Variants in ENKUR observed in about 807,000 individuals in gnomAD.
ENKUR encodes enkurin.
A neutral mutation model predicts 27.6 loss-of-function variants in ENKUR; 19 were observed. The ratio of observed to expected loss-of-function variants is 0.69; its 90% confidence interval spans 0.48 to 1.01. The LOEUF (loss-of-function observed/expected upper bound fraction) is 1.01. ENKUR is among the 50% of genes least tolerant of loss of function. ENKUR has a pLI of 0.00. For missense variants in ENKUR, 312 were observed against 310.5 expected (o/e 1.00, Z -0.04); for synonymous variants, 117 against 96.9 (o/e 1.21, Z -1.22).
chr10:25,047,687 T>C (rs1004247578), intron 2 of ENKUR, among the ~76,000 whole-genome samples: 3 of 152,168 alleles, frequency 2.0e-5, no homozygotes, highest in African/African-American at 4.8e-5. Flanking sequence ...TGAGCTTGAG[T>C]TTGGCTTTTC....
chr10:24,982,903 T>C lies in ENKUR; in HGVS notation c.*1467A>G, dbSNP rs1332061699. On this transcript the variant is annotated 3_prime_UTR_variant, in exon 6 of 6. Transcript: ENST00000331161. ...AAACCACAAAGTTTTCATTTTAACA[T>C]TTAAGGCAACTCCCACTCATGACTT... is the stretch of plus-strand genomic sequence containing the variant. 1.3e-5 allele frequency: 2 copies of C among 152,226 alleles called. No individual in the cohort carries two copies. Among genetic ancestry groups the C allele is most frequent in the Non-Finnish European group, 2.9e-5 (2 of 68,034 alleles). 9.4% of individuals were successfully genotyped at this position (152,226 alleles called of 1,614,324 possible).
chr10:24,989,315 T>C (rs181528153), intron 4 of ENKUR, among the ~76,000 whole-genome samples: 1 of 152,312 alleles, frequency 6.6e-6, no homozygotes, highest in East Asian at 1.9e-4. Context: ...TTTCTGAACA[T>C]CTGCGTTTTC....
chr10:24,995,099 G>C (rs889868270), intron 3 of ENKUR, among the ~76,000 whole-genome samples: 3 of 152,008 alleles, frequency 2.0e-5, no homozygotes, highest in Non-Finnish European at 2.9e-5. Context: ...GGACCCAAAA[G>C]GACTAGATTA....
chr10:24,984,381 A>G lies in ENKUR; in HGVS notation c.765-5T>C. 1.3e-6 allele frequency: 2 copies of G among 1,548,836 alleles called. No individual in the cohort carries two copies. Among genetic ancestry groups the G allele is most frequent in the South Asian group, 2.3e-5 (2 of 85,526 alleles). Reference sequence around the variant, plus strand: ...TTGTGCTGTTGGTATCATGCGCTGCAGAAAAAAAAAAAAAAAAGTGAAGTT... The same window carrying G: ...TTGTGCTGTTGGTATCATGCGCTGCGGAAAAAAAAAAAAAAAAGTGAAGTT... On this transcript the variant is annotated splice_polypyrimidine_tract_variant and splice_region_variant and intron_variant, in intron 5 of 5. Coordinates refer to ENST00000331161, the MANE Select transcript of ENKUR (RefSeq NM_145010.4).
intron 2 of ENKUR, among the ~76,000 whole-genome samples, chr10:25,060,075 G>A (rs778344818): frequency 6.6e-6 from 1 of 152,136 alleles, no homozygotes; most frequent in Non-Finnish European, 1.5e-5. Context: ...ATCTGCCTGG[G>A]CTTCTCTGCT....
intron 1 of ENKUR, among the ~76,000 whole-genome samples, chr10:25,013,102 A>G (rs1281020109): frequency 6.6e-6 from 1 of 152,178 alleles, no homozygotes; most frequent in Non-Finnish European, 1.5e-5. Flanking sequence ...CCACCATGTA[A>G]GATGTGACTT....
At chr10:25,051,481 T>C (rs960867307) in intron 2 of ENKUR, among the ~76,000 whole-genome samples, 1 of 152,174 alleles carries the variant, frequency 6.6e-6, no homozygotes, top group Admixed American at 6.5e-5. Context: ...GGAAGGCCTC[T>C]GGAAGCTTAT....
At chr10:25,046,533 C>A (rs1851124040) in intron 2 of ENKUR, among the ~76,000 whole-genome samples, 2 of 152,182 alleles carry the variant, frequency 1.3e-5, no homozygotes, top group African/African-American at 4.8e-5. Flanking sequence ...TGCGTCCTGG[C>A]TTTATCACCA....
chr10:25,046,555 A>G (rs1301523763), intron 2 of ENKUR, among the ~76,000 whole-genome samples: 2 of 152,194 alleles, frequency 1.3e-5, no homozygotes, highest in Non-Finnish European at 2.9e-5. Context: ...CGTCAAGACC[A>G]TGGGCAAGTG....
intron 2 of ENKUR, among the ~76,000 whole-genome samples, chr10:25,035,292 T>A (rs1272779474): frequency 6.6e-6 from 1 of 152,218 alleles, no homozygotes; most frequent in East Asian, 1.9e-4. Flanking sequence ...CAGTGGCTCA[T>A]GCCTGTAATT....
At chr10:24,984,468 A>C in intron 5 of ENKUR, 92 bp from the exon 6 acceptor site, 3 of 1,377,784 alleles carry the variant, frequency 2.2e-6, no homozygotes, top group Non-Finnish European at 3.0e-6. Context: ...CAAGTACATA[A>C]TAATAATGAA....
At chr10:25,001,005 T>C (rs1850178616) in intron 1 of ENKUR, among the ~76,000 whole-genome samples, 3 of 152,238 alleles carry the variant, frequency 2.0e-5, no homozygotes, top group Admixed American at 1.3e-4. Flanking sequence ...AACCCCACTC[T>C]TGTCTTAGTG....
At chr10:25,038,077 A>C (rs1006153326) in intron 2 of ENKUR, among the ~76,000 whole-genome samples, 1 of 152,220 alleles carries the variant, frequency 6.6e-6, no homozygotes, top group African/African-American at 2.4e-5. Context: ...TCTAAATTAC[A>C]TACTATAATA....
chr10:24,988,684 A>ATATATATATATGTG (rs1849851597), intron 4 of ENKUR, among the ~76,000 whole-genome samples: 1 of 9,072 alleles, frequency 1.1e-4, no homozygotes, highest in African/African-American at 4.6e-4. Flanking sequence ...ATATATATAT[A>ATATATATATATGTG]TATATATATA....
At chr10:25,061,026 T>C (rs1402921533) in intron 2 of ENKUR, 1 of 1,327,572 alleles carries the variant, frequency 7.5e-7, no homozygotes, top group Non-Finnish European at 1.0e-6. Context: ...TATGTTTCTT[T>C]AGATGAGACA....
At chr10:25,043,430 T>C (rs1851086215) in intron 2 of ENKUR, among the ~76,000 whole-genome samples, 1 of 152,184 alleles carries the variant, frequency 6.6e-6, no homozygotes, top group Non-Finnish European at 1.5e-5. Context: ...TTAGTCATCA[T>C]TTATACCTTT....
Position 25,021,700 on chromosome 10 carries a change from C to T in ENKUR, c.38-25831G>A, listed in dbSNP as rs1453857762. 2.0e-5 allele frequency: 3 copies of T among 152,166 alleles called. No individual in the cohort carries two copies. The East Asian group carries it at 5.8e-4, about 29-fold the overall frequency. The allele number at this position is 152,166 out of a possible 1,614,324, so 9.4% of individuals were successfully genotyped here. ...AGTCTATGTGTAGAATTTTATGATA[C>T]TCTATACAGTTATGATTAACTTAAA... On this transcript the variant is annotated intron_variant, in intron 2 of 5. Transcript: ENST00000615958.
At chr10:25,023,520 G>C (rs766445552) in intron 2 of ENKUR, 2 of 1,614,098 alleles carry the variant, frequency 1.2e-6, no homozygotes, top group Admixed American at 3.3e-5. Flanking sequence ...ATATGAGTGT[G>C]TCTGAAAAAT....
intron 2 of ENKUR, among the ~76,000 whole-genome samples, chr10:25,038,085 A>G (rs998419559): frequency 1.3e-5 from 2 of 152,170 alleles, no homozygotes; most frequent in Admixed American, 1.3e-4. Context: ...ACATACTATA[A>G]TACGATACTT....
Sources: gnomAD v4.1 joint callset for allele counts (sites outside exome capture counted in the v4.1 genomes callset) on GRCh38, gnomAD v4.1.1 for gene constraint, MANE v1.5 for transcripts, NCBI Gene and HGNC (gene_info 2026-07-23, HGNC 2026-07-21) for gene names.